SLC7A3: variants seen among roughly 807,000 people sequenced by gnomAD.
SLC7A3 encodes the protein solute carrier family 7 member 3.
Under a neutral mutation model 33.2 loss-of-function variants are expected in SLC7A3, and 3 were observed. The ratio of observed to expected loss-of-function variants is 0.09; its 90% CI spans 0.04 to 0.23. The LOEUF (loss-of-function observed/expected upper bound fraction) is 0.23. Among genes scored for constraint, SLC7A3 ranks in the 10% least tolerant of loss-of-function variants. The pLI is 1.00. For missense variants in SLC7A3, 360 were observed against 488.8 expected, an observed-to-expected ratio of 0.74 and a Z score of 2.48; for synonymous variants, 193 against 195.1, an observed-to-expected ratio of 0.99 and a Z score of 0.09.
At chrX:70,928,780 C>T in intron 3 of SLC7A3, 64 bp downstream of exon 3, 1 of 1,185,103 alleles carries the variant, frequency 8.4e-7, no homozygotes, top group Non-Finnish European at 1.1e-6. Flanking sequence ...ATCCTTATCC[C>T]TGGCCCCAAG....
At chrX:70,928,319 C>G (rs933275775) in intron 4 of SLC7A3, 62 bp from the exon 5 acceptor site, 32 of 1,118,209 alleles carry the variant, frequency 2.9e-5, no homozygotes, top group Non-Finnish European at 3.8e-5. Context: ...TATCTTTTCT[C>G]TAATGCCAAA....
intron 6 of SLC7A3, 76 bp downstream of exon 6, chrX:70,927,722 T>A: frequency 1.7e-6 from 2 of 1,151,815 alleles, no homozygotes; most frequent in Non-Finnish European, 2.3e-6. Flanking sequence ...ACAGCCCTTT[T>A]AAGGGGTATT....
At chrX:70,929,143 T>G (rs2091904669) in intron 2 of SLC7A3, 141 bp from the exon 3 acceptor site, 1 of 596,356 alleles carries the variant, frequency 1.7e-6, no homozygotes, top group Non-Finnish European at 2.6e-6. Context: ...CAGGATGGAG[T>G]GCAGTGGCAC....
In SLC7A3 at chrX:70,928,490, C is replaced by T; in HGVS notation, c.673G>A (p.Glu225Lys). The change falls in exon 4 of 12, where the codon GAA becomes AAA. Residue 225 changes from glutamate to lysine, a missense_variant. By Grantham distance (56) the Glu-to-Lys change is moderately conservative. Coordinates refer to ENST00000374299, the MANE Select transcript of SLC7A3 (RefSeq NM_032803.6). Reference sequence around the variant, plus strand: ...TCATTGAGTTCAGCCATGGCCAATTCGTAGTCCTCTTCTGTGAGCTTCCAG... The same window carrying T: ...TCATTGAGTTCAGCCATGGCCAATTTGTAGTCCTCTTCTGTGAGCTTCCAG... ...HNWKLTEEDYELAMAELNDTY... is the reference protein window; with the variant it reads ...HNWKLTEEDYKLAMAELNDTY... 2.5e-6 allele frequency: 3 copies of T among 1,205,108 alleles called. No individual in the cohort carries two copies. The highest frequency in any genetic ancestry group is 3.6e-5 in the South Asian group (2 of 55,600).
At chrX:70,927,092 T>C (rs1031339570) in intron 8 of SLC7A3, 51 bp from the exon 9 acceptor site, 1 of 1,167,223 alleles carries the variant, frequency 8.6e-7, no homozygotes. Flanking sequence ...ACTCACTTTA[T>C]CATCTTCTCC....
rs749236390 is a variant in SLC7A3, at chrX:70,929,008, G to T, written c.371-6C>A. ...CCGGGCCACACTGGCTGTACCTGGT[G>T]TAGCAGAGAGAGAAACATGTGGCCA... On this transcript the variant is annotated splice_region_variant and splice_polypyrimidine_tract_variant and intron_variant, in intron 2 of 11. Coordinates refer to ENST00000374299, the MANE Select transcript of SLC7A3 (RefSeq NM_032803.6). 3 of 1,210,134 alleles carry T rather than the reference G, an allele frequency of 2.5e-6. No homozygotes were observed. In the Admixed American group the frequency reaches 6.5e-5, roughly 26 times the overall value.
In SLC7A3 at chrX:70,927,836, A is replaced by G. The variant is rs144720442; in HGVS notation, c.1005T>C (p.Tyr335=). Residue 335 remains tyrosine, a synonymous_variant, in exon 6 of 12, where the codon TAT becomes TAC. Coordinates refer to ENST00000374299, the MANE Select transcript of SLC7A3 (RefSeq NM_032803.6). ...FLYIGWAPAR[Y]VVAVGSLCAL... ...CACAGAGGGAGCCAACAGCCACAAC[A>G]TAGCGGGCAGGAGCCCATCCAATGT... 1,676 of 1,189,672 alleles carry G rather than the reference A, an allele frequency of 1.4e-3. 18 individuals are homozygous for G. In the African/African-American group the frequency reaches 0.026, roughly 18 times the overall value.
At chrX:70,926,827 C>G (rs1200994724) in intron 9 of SLC7A3, 48 bp downstream of exon 9, 2 of 1,188,101 alleles carry the variant, frequency 1.7e-6, no homozygotes, top group East Asian at 3.0e-5. Context: ...ACACTTCGAC[C>G]CAATCACGCT....
intron 2 of SLC7A3, among the ~76,000 whole-genome samples, chrX:70,929,234 G>A (rs1878907735): frequency 9.0e-6 from 1 of 111,610 alleles, no homozygotes; most frequent in African/African-American, 3.3e-5. Context: ...GGGACTACAG[G>A]TGTAAGCCAC....
Position 70,926,640 on chromosome X carries a change from G to A in SLC7A3, c.1507C>T (p.Leu503Phe), listed in dbSNP as rs780709311. 9.2e-6 allele frequency: 11 copies of A among 1,193,827 alleles called. No individual in the cohort carries two copies. Among genetic ancestry groups the A allele is most frequent in the Non-Finnish European group, 1.2e-5 (11 of 886,715 alleles). The change falls in exon 10 of 12, where the codon CTT (leucine) becomes TTT (phenylalanine). Residue 503 changes from leucine (L) to phenylalanine (F), a missense_variant. Physicochemically the swap from Leu to Phe is conservative, Grantham distance 22. Transcript: ENST00000374299. ...GCAGTCCACAGCAGGTCTCCAGAAA[G>A]CAATGGAACTGACCACTGGGCCAGC... ...LVLAQWSVPL[L>F]SGDLLWTAVV...
Position 70,928,898 on chromosome X carries a change from C to CATGGGGCACGTGCAGTGCA in SLC7A3, c.456_474dup (p.Val159CysfsTer32). The CATGGGGCACGTGCAGTGCA allele has an allele frequency of 8.3e-7, 1 of 1,211,558 alleles. No individual in the cohort carries two copies. Among genetic ancestry groups the CATGGGGCACGTGCAGTGCA allele is most frequent in the Non-Finnish European group, 1.1e-6 (1 of 895,496 alleles). On this transcript the variant is annotated frameshift_variant, in exon 3 of 12. Coordinates refer to ENST00000374299, the MANE Select transcript of SLC7A3 (RefSeq NM_032803.6). LOFTEE classifies it high-confidence loss of function. The stretch of plus-strand genomic sequence containing the variant: ...AAGAAATCTGGATATTCTGCAAGGA[C>CATGGGGCACGTGCAGTGCA]ATGGGGCACGTGCAGTGCAATGGAC...
intron 10 of SLC7A3, 73 bp downstream of exon 10, chrX:70,926,453 TA>T: frequency 9.4e-7 from 1 of 1,063,356 alleles, no homozygotes; most frequent in Non-Finnish European, 1.3e-6. Context: ...CTATGAACTT[TA>T]TTAGACCTCA....
At position 70,925,957 on chromosome X, in the gene SLC7A3, G is replaced by T. The variant is rs750168357; in HGVS notation, c.1730-14C>A. The T allele has an allele frequency of 1.7e-6, 2 of 1,209,307 alleles. No individual in the cohort carries two copies. The highest frequency in any genetic ancestry group is 1.8e-5 in the African/African-American group (1 of 57,027). On this transcript the variant is annotated splice_polypyrimidine_tract_variant and intron_variant, in intron 11 of 11. Transcript: ENST00000374299. ...AGATAGCAAAGCCTAGTGGGGAAAG[G>T]TAGCTGTGAGGTGGGGGTGTAAAGG...
At chrX:70,927,672 T>G in intron 6 of SLC7A3, 49 bp from the exon 7 acceptor site, 1 of 1,188,745 alleles carries the variant, frequency 8.4e-7, no homozygotes, top group Non-Finnish European at 1.1e-6. Flanking sequence ...GGATCTCTCT[T>G]CCCAAGACTG....
chrX:70,928,010 G>A lies in SLC7A3; in HGVS notation c.831C>T (p.Ala277=), dbSNP rs755084459. The A allele has an allele frequency of 1.7e-6, 2 of 1,211,022 alleles. No individual in the cohort carries two copies. The highest frequency in any genetic ancestry group is 4.3e-5 in the Admixed American group (2 of 45,981). ...FDCIATTGEE[A]QNPQRSIPMG... ...TCGGGATGGAACGCTGGGGATTCTG[G>A]GCTTCTTCTCCTGAAGGAAGGGCGT... Residue 277 remains alanine (A), a synonymous_variant, in exon 6 of 12, where the codon GCC becomes GCT. Transcript: ENST00000374299.
chrX:70,928,736 C>T, intron 3 of SLC7A3, 103 bp from the exon 4 acceptor site: 2 of 1,119,016 alleles, frequency 1.8e-6, no homozygotes, highest in Non-Finnish European at 1.2e-6. Flanking sequence ...CCACCATTAT[C>T]ACCTCCCTTA....
intron 10 of SLC7A3, among the ~76,000 whole-genome samples, 165 bp downstream of exon 10, chrX:70,926,362 A>G (rs1569467250): frequency 8.9e-6 from 1 of 112,028 alleles, no homozygotes. Context: ...GGAACTGGAA[A>G]GGAACTAAAG....
Position 70,929,919 on chromosome X carries a change from G to C in SLC7A3, c.79C>G (p.Arg27Gly). 1 of 1,211,840 alleles carries C rather than the reference G, an allele frequency of 8.3e-7. No individual in the cohort carries two copies. Among genetic ancestry groups the C allele is most frequent in the Non-Finnish European group, 1.1e-6 (1 of 895,431 alleles). The change falls in exon 2 of 12, where the codon CGC (arginine) becomes GGC (glycine). Residue 27 changes from arginine (R) to glycine (G), a missense_variant. Arg to Gly is a moderately radical substitution (Grantham distance 125). Coordinates refer to ENST00000374299, the MANE Select transcript of SLC7A3 (RefSeq NM_032803.6). The stretch of plus-strand genomic sequence containing the variant: ...AGGGTGCTTAGGCATCTGGCAAGGC[G>C]AGTCTCAGCCATGCCTGACTCCAGT... Reference protein sequence around the residue: ...RTLESGMAETRLARCLSTLDL... With the variant: ...RTLESGMAETGLARCLSTLDL...
chrX:70,928,358 C>G (rs2091902074), intron 4 of SLC7A3, 98 bp downstream of exon 4: 1 of 1,103,202 alleles, frequency 9.1e-7, no homozygotes, highest in Admixed American at 2.7e-5. Context: ...AAAGCCCAGC[C>G]TCCCATTTTT....
Sources: allele counts gnomAD v4.1 joint callset (sites outside exome capture counted in the v4.1 genomes callset), GRCh38; gene constraint gnomAD v4.1.1; transcripts MANE v1.5; gene names NCBI Gene and HGNC (gene_info 2026-07-23, HGNC 2026-07-21).